The following CNBD1 variants were observed in gnomAD, a reference collection of about 807,000 sequenced individuals.
CNBD1 encodes the protein cyclic nucleotide binding domain containing 1, also known as cyclic nucleotide-binding domain-containing protein 1.
A neutral mutation model predicts 54.4 loss-of-function variants in CNBD1; 71 were observed. That is an observed-to-expected ratio of 1.30 (90% CI 1.08 to 1.59). The LOEUF (loss-of-function observed/expected upper bound fraction) is 1.59. Among genes scored for constraint, CNBD1 ranks in the 40% most tolerant of loss-of-function variants. The pLI, the probability that CNBD1 is intolerant of heterozygous loss-of-function variation, is 0.00. For synonymous variants in CNBD1, 182 were observed against 170.7 expected, an observed-to-expected ratio of 1.07 and a Z score of -0.51; for missense variants, 659 against 518.0, an observed-to-expected ratio of 1.27 and a Z score of -2.64.
chr8:87,057,109 A>G (rs1810431794), intron 4 of CNBD1, among the ~76,000 whole-genome samples: 1 of 152,214 alleles, frequency 6.6e-6, no homozygotes, highest in South Asian at 2.1e-4. Context: ...GCAACCTGCC[A>G]TGTTGTGACT....
chr8:86,974,189 T>C (rs1345726052), intron 4 of CNBD1, among the ~76,000 whole-genome samples: 1 of 151,992 alleles, frequency 6.6e-6, no homozygotes, highest in Non-Finnish European at 1.5e-5. Context: ...AAATACAAAT[T>C]AAAACTATCA....
At chr8:87,104,265 A>T (rs1811488810) in intron 4 of CNBD1, among the ~76,000 whole-genome samples, 1 of 152,236 alleles carries the variant, frequency 6.6e-6, no homozygotes, top group Non-Finnish European at 1.5e-5. Context: ...AAGAGTCAAG[A>T]TATTTGGAAG....
intron 8 of CNBD1, among the ~76,000 whole-genome samples, chr8:87,289,349 T>C (rs1022085435): frequency 6.6e-6 from 1 of 152,140 alleles, no homozygotes; most frequent in African/African-American, 2.4e-5. Flanking sequence ...TTATAATGAA[T>C]ATGTACAGTG....
chr8:87,329,564 C>A (rs1280260805), intron 8 of CNBD1, among the ~76,000 whole-genome samples: 2 of 152,014 alleles, frequency 1.3e-5, no homozygotes, highest in East Asian at 3.9e-4. Context: ...TATAGTACTT[C>A]TTTGATATAT....
chr8:87,224,231 A>G (rs1814421344), intron 5 of CNBD1, among the ~76,000 whole-genome samples: 1 of 150,566 alleles, frequency 6.6e-6, no homozygotes, highest in Admixed American at 6.6e-5. Flanking sequence ...TGCTGTGCAG[A>G]AGCTCTTTAG....
rs188350443 is a variant in CNBD1, at chr8:86,873,146, G to A, written c.88+6563G>A. On this transcript the variant is annotated intron_variant, in intron 1 of 10. Coordinates refer to ENST00000518476, the MANE Select transcript of CNBD1 (RefSeq NM_173538.3). Reference sequence around the variant, plus strand: ...GATGGAGTTTCACTCTTGTTGCCCAGACTGGAGTGCAGTGGCACGATCTTG... The same window carrying A: ...GATGGAGTTTCACTCTTGTTGCCCAAACTGGAGTGCAGTGGCACGATCTTG... Among the ~76,000 whole-genome samples, 141 of 149,808 alleles carry A rather than the reference G, an allele frequency of 9.4e-4. No individual in the cohort carries two copies. The East Asian group carries it at 0.019, about 21-fold the overall frequency.
intron 8 of CNBD1, among the ~76,000 whole-genome samples, chr8:87,321,891 G>C (rs1208493109): frequency 6.7e-6 from 1 of 148,152 alleles, no homozygotes; most frequent in Non-Finnish European, 1.5e-5. Flanking sequence ...CCATGCTGGT[G>C]TGCTGCACCC....
At chr8:86,964,937 G>T (rs1808031591) in intron 4 of CNBD1, among the ~76,000 whole-genome samples, 1 of 152,134 alleles carries the variant, frequency 6.6e-6, no homozygotes, top group South Asian at 2.1e-4. Flanking sequence ...TGGACTATTT[G>T]CCCTCGTGTT....
chr8:86,909,581 G>A lies in CNBD1; in HGVS notation c.272+4387G>A, dbSNP rs753651527. On this transcript the variant is annotated intron_variant, in intron 3 of 10. Coordinates refer to ENST00000518476, the MANE Select transcript of CNBD1 (RefSeq NM_173538.3). Reference sequence around the variant, plus strand: ...TAGGGTACATGTGCACAACGTGCAGGTTTGTTACATATGTATACATGTGCC... The same window carrying A: ...TAGGGTACATGTGCACAACGTGCAGATTTGTTACATATGTATACATGTGCC... 1.9e-4 allele frequency among the ~76,000 whole-genome samples: 29 copies of A among 152,064 alleles called. 1 individual carries two copies. Among genetic ancestry groups the A allele is most frequent in the African/African-American group, 6.5e-4 (27 of 41,490 alleles).
rs34163158 is a variant in CNBD1 at position 87,396,891 on chromosome 8, C to CTT, written c.214-31643_214-31642dup. ...TTTCTAATGTGTTATAGTTTGTTTTCTTTTTTTTTTTTTCAAGTAGTTCTT... is the reference window on the plus strand; with the variant it reads ...TTTCTAATGTGTTATAGTTTGTTTTCTTTTTTTTTTTTTTTCAAGTAGTTCTT... On this transcript the variant is annotated intron_variant, in intron 2 of 7. Transcript: ENST00000521593. 2.0e-3 allele frequency among the ~76,000 whole-genome samples: 285 copies of CTT among 139,442 alleles called. 1 individual carries two copies. Among genetic ancestry groups the CTT allele is most frequent in the Middle Eastern group, 3.8e-3 (1 of 266 alleles). The allele number at this position is 139,442 out of a possible 152,430, so 91.5% of individuals were successfully genotyped here.
intron 8 of CNBD1, among the ~76,000 whole-genome samples, chr8:87,350,429 C>A (rs1460063239): frequency 6.6e-6 from 1 of 151,890 alleles, no homozygotes; most frequent in Non-Finnish European, 1.5e-5. Flanking sequence ...AATCCCACTT[C>A]ATTTATCTTG....
chr8:86,883,005 C>A (rs1362771334), intron 1 of CNBD1, among the ~76,000 whole-genome samples: 1 of 152,046 alleles, frequency 6.6e-6, no homozygotes, highest in Non-Finnish European at 1.5e-5. Context: ...GAACAACATA[C>A]ACTGAGACTT....
intron 4 of CNBD1, among the ~76,000 whole-genome samples, chr8:87,043,405 C>A (rs1345723801): frequency 6.6e-6 from 1 of 152,092 alleles, no homozygotes; most frequent in African/African-American, 2.4e-5. Flanking sequence ...GTATTAATTT[C>A]TCCTTATATT....
rs528373866 is a variant in CNBD1 at position 87,377,022 on chromosome 8, T to C, written c.1304-5598T>C. On this transcript the variant is annotated intron_variant, in intron 10 of 10. Coordinates refer to ENST00000518476, the MANE Select transcript of CNBD1 (RefSeq NM_173538.3). Reference sequence around the variant, plus strand: ...TTGTTTGTTAAATTTATTTTTTTTCTTTTTTTTTTTTACATTTAGAAAACT... The same window carrying C: ...TTGTTTGTTAAATTTATTTTTTTTCCTTTTTTTTTTTACATTTAGAAAACT... 3.5e-3 allele frequency among the ~76,000 whole-genome samples: 463 copies of C among 131,270 alleles called. 7 individuals are homozygous for C. Among genetic ancestry groups the C allele is most frequent in the Middle Eastern group, 0.026 (7 of 268 alleles). The allele number at this position is 131,270 out of a possible 152,430, so 86.1% of individuals were successfully genotyped here. A position where few individuals can be genotyped will look rare whatever the true frequency, so the allele number is the denominator to read the frequency against.
intron 5 of CNBD1, among the ~76,000 whole-genome samples, chr8:87,231,226 A>T (rs1315684416): frequency 6.6e-6 from 1 of 152,204 alleles, no homozygotes; most frequent in African/African-American, 2.4e-5. Context: ...TTAAGTGAAC[A>T]TATATTACTT....
intron 4 of CNBD1, among the ~76,000 whole-genome samples, chr8:87,040,333 G>A (rs1007361156): frequency 2.6e-5 from 4 of 151,604 alleles, no homozygotes; most frequent in African/African-American, 9.7e-5. Context: ...TTCTTTGACT[G>A]TAATTTTTTC....
chr8:87,106,689 A>G (rs999556107), intron 4 of CNBD1, among the ~76,000 whole-genome samples: 2 of 152,184 alleles, frequency 1.3e-5, no homozygotes, highest in Admixed American at 1.3e-4. Flanking sequence ...CCATGATAAG[A>G]ATACAAACCA....
intron 2 of CNBD1, among the ~76,000 whole-genome samples, chr8:87,425,108 C>T (rs1006626758): frequency 4.3e-4 from 65 of 152,200 alleles, no homozygotes; most frequent in African/African-American, 1.4e-3. Context: ...TCCAGTTGAT[C>T]GCATCGGCTC....
intron 10 of CNBD1, among the ~76,000 whole-genome samples, chr8:87,371,593 A>T (rs1810798569): frequency 6.6e-6 from 1 of 152,010 alleles, no homozygotes; most frequent in South Asian, 2.1e-4. Context: ...CCTCAATAAA[A>T]TACTGGCAAA....
Sources: gnomAD v4.1 joint callset for allele counts (sites outside exome capture counted in the v4.1 genomes callset) on GRCh38, gnomAD v4.1.1 for gene constraint, MANE v1.5 for transcripts, NCBI Gene and HGNC (gene_info 2026-07-23, HGNC 2026-07-21) for gene names.